CAMKMT: variants seen among roughly 807,000 people sequenced by gnomAD.
CAMKMT encodes CaM KMT.
In CAMKMT, 53 loss-of-function variants were observed where a neutral mutation model predicts 48.0. The observed-to-expected ratio is 1.10, with a 90% CI of 0.89 to 1.39. The LOEUF is 1.39. CAMKMT is among the 40% of genes most tolerant of loss of function. The probability of loss-of-function intolerance (pLI) is 0.00; values close to 1 mark genes in which losing one functional copy is unlikely to be tolerated. For synonymous variants in CAMKMT, 165 were observed against 152.3 expected, an observed-to-expected ratio of 1.08 and a Z score of -0.61; for missense variants, 428 against 402.7, an observed-to-expected ratio of 1.06 and a Z score of -0.54.
intron 3 of CAMKMT, among the ~76,000 whole-genome samples, chr2:44,544,910 A>C (rs1448522257): frequency 1.3e-5 from 2 of 152,252 alleles, no homozygotes; most frequent in East Asian, 3.8e-4. Flanking sequence ...GATGTAATCC[A>C]ATGATGACTA....
Position 44,365,824 on chromosome 2 carries a change from C to T in CAMKMT, c.138+3679C>T, listed in dbSNP as rs576201088. ...ACACACGTATTTACAAACCACCTACCGAATGAAAAATGTTGCCTAGAGGTA... is the reference window on the plus strand; with the variant it reads ...ACACACGTATTTACAAACCACCTACTGAATGAAAAATGTTGCCTAGAGGTA... On this transcript the variant is annotated intron_variant, in intron 1 of 10. Transcript: ENST00000378494. Among the ~76,000 whole-genome samples, 8 of 152,288 alleles carry T rather than the reference C, an allele frequency of 5.3e-5. No homozygotes were observed. The South Asian group carries it at 6.2e-4, about 12-fold the overall frequency.
chr2:44,449,969 A>G (rs1158924624), intron 3 of CAMKMT, among the ~76,000 whole-genome samples: 2 of 152,162 alleles, frequency 1.3e-5, no homozygotes, highest in Non-Finnish European at 2.9e-5. Flanking sequence ...TAAGTTAAGT[A>G]GCGAAATCCA....
At chr2:44,598,670 C>G (rs1218321254) in intron 3 of CAMKMT, among the ~76,000 whole-genome samples, 1 of 95,954 alleles carries the variant, frequency 1.0e-5, no homozygotes, top group African/African-American at 3.3e-5. Flanking sequence ...TCAGAAGAAC[C>G]TAATTTGCAG....
chr2:44,645,719 G>C (rs959914838), intron 3 of CAMKMT, among the ~76,000 whole-genome samples: 13 of 152,238 alleles, frequency 8.5e-5, no homozygotes, highest in Non-Finnish European at 1.6e-4. Context: ...TACTCAGGAG[G>C]CTGAGGCAGG....
chr2:44,377,621 G>A (rs930908557), intron 2 of CAMKMT, among the ~76,000 whole-genome samples: 15 of 152,230 alleles, frequency 9.9e-5, no homozygotes, highest in African/African-American at 3.4e-4. Context: ...GTGTATACGT[G>A]TCTTAGGTAT....
intron 3 of CAMKMT, among the ~76,000 whole-genome samples, chr2:44,583,709 T>C (rs1311193203): frequency 1.3e-5 from 2 of 152,032 alleles, no homozygotes; most frequent in Non-Finnish European, 2.9e-5. Flanking sequence ...GGGGGAAGGA[T>C]GGCTTGAGCC....
At chr2:44,533,146 A>G (rs912396226) in intron 3 of CAMKMT, among the ~76,000 whole-genome samples, 2 of 151,862 alleles carry the variant, frequency 1.3e-5, no homozygotes, top group African/African-American at 4.8e-5. Flanking sequence ...TAGATCACAT[A>G]TCTGTGTTAG....
chr2:44,580,471 C>T (rs1473390265), intron 3 of CAMKMT, among the ~76,000 whole-genome samples: 1 of 152,090 alleles, frequency 6.6e-6, no homozygotes, highest in African/African-American at 2.4e-5. Context: ...TCCCCTGGTT[C>T]AAGTGGTCCT....
chr2:44,722,176 CTTTT>C (rs11323950), intron 7 of CAMKMT, among the ~76,000 whole-genome samples: 1 of 115,452 alleles, frequency 8.7e-6, no homozygotes, highest in Non-Finnish European at 1.8e-5. Context: ...TTTCTTTTTT[CTTTT>C]TTTTTTTTTT....
intron 3 of CAMKMT, among the ~76,000 whole-genome samples, chr2:44,611,017 G>A (rs1671567410): frequency 6.6e-6 from 1 of 152,210 alleles, no homozygotes. Flanking sequence ...GCTTATCAGA[G>A]CAAAAGCAGG....
intron 3 of CAMKMT, among the ~76,000 whole-genome samples, chr2:44,554,276 T>A (rs1558698554): frequency 6.6e-6 from 1 of 152,230 alleles, no homozygotes; most frequent in African/African-American, 2.4e-5. Flanking sequence ...AACATTATGA[T>A]AGAGGTATGC....
chr2:44,680,510 C>T (rs950388484), intron 3 of CAMKMT, among the ~76,000 whole-genome samples: 2 of 152,114 alleles, frequency 1.3e-5, no homozygotes, highest in Non-Finnish European at 2.9e-5. Flanking sequence ...GGGGAAGTGC[C>T]GGCCAGCTCA....
intron 3 of CAMKMT, among the ~76,000 whole-genome samples, chr2:44,668,729 T>C (rs546491284): frequency 6.6e-6 from 1 of 152,340 alleles, no homozygotes; most frequent in Admixed American, 6.5e-5. Flanking sequence ...CCTCCACTGC[T>C]TAAGTAACCA....
chr2:44,558,055 A>G (rs1029359873), intron 3 of CAMKMT, among the ~76,000 whole-genome samples: 3 of 151,278 alleles, frequency 2.0e-5, no homozygotes, highest in African/African-American at 4.8e-5. Flanking sequence ...TCATTCATTC[A>G]TTCATTCATT....
intron 3 of CAMKMT, among the ~76,000 whole-genome samples, chr2:44,420,871 G>T (rs781461133): frequency 3.5e-4 from 53 of 151,298 alleles, no homozygotes; most frequent in Non-Finnish European, 8.8e-5. Flanking sequence ...ATTGTCTAAG[G>T]GATTAACTGT....
chr2:44,721,670 A>G (rs1440780006), intron 7 of CAMKMT, among the ~76,000 whole-genome samples: 1 of 152,188 alleles, frequency 6.6e-6, no homozygotes, highest in East Asian at 1.9e-4. Flanking sequence ...CATCACCCCC[A>G]AAAGAAAGCT....
chr2:44,503,486 A>G (rs1670104797), intron 3 of CAMKMT, among the ~76,000 whole-genome samples: 1 of 151,570 alleles, frequency 6.6e-6, no homozygotes, highest in African/African-American at 2.4e-5. Context: ...TCAGAGAGAA[A>G]AGAGAAATTA....
intron 3 of CAMKMT, among the ~76,000 whole-genome samples, chr2:44,613,928 T>G (rs375676094): frequency 6.6e-6 from 1 of 152,152 alleles, no homozygotes; most frequent in African/African-American, 2.4e-5. Context: ...AAACCTGTTA[T>G]TCCATAACAG....
chr2:44,726,418 G>C (rs191030860), intron 7 of CAMKMT, among the ~76,000 whole-genome samples: 7 of 152,228 alleles, frequency 4.6e-5, no homozygotes, highest in Non-Finnish European at 8.8e-5. Context: ...TGGCCGCTTG[G>C]TGTATCTTCT....
Sources: allele counts gnomAD v4.1 joint callset (sites outside exome capture counted in the v4.1 genomes callset), GRCh38; gene constraint gnomAD v4.1.1; transcripts MANE v1.5; gene names NCBI Gene and HGNC (gene_info 2026-07-23, HGNC 2026-07-21).